The following MLPH variants were observed in gnomAD, a reference collection of about 807,000 sequenced individuals.
MLPH encodes melanophilin.
In MLPH, 51 loss-of-function variants were observed where a neutral mutation model predicts 72.1. The observed-to-expected ratio is 0.71, with a 90% CI of 0.56 to 0.89. The LOEUF (loss-of-function observed/expected upper bound fraction) is 0.89, where lower values mean the gene tolerates loss of function less well. Among genes scored for constraint, MLPH ranks in the 40% least tolerant of loss-of-function variants. MLPH has a pLI of 0.00. For missense variants in MLPH, 743 were observed against 759.9 expected (o/e 0.98, Z 0.26); for synonymous variants, 301 against 310.1 (o/e 0.97, Z 0.31).
chr2:237,517,788 G>A (rs1015280976), intron 4 of MLPH, among the ~76,000 whole-genome samples: 4 of 150,940 alleles, frequency 2.7e-5, no homozygotes, highest in African/African-American at 9.8e-5. Flanking sequence ...TGGGTGCATT[G>A]GTGGGTGGAT....
rs73999105 is a variant in MLPH, at chr2:237,546,457, C to T, written c.1540-149C>T. 29,475 of 715,010 alleles carry T rather than the reference C, an allele frequency of 0.041. 1,227 individuals are homozygous for T. Among genetic ancestry groups the T allele is most frequent in the African/African-American group, 0.16 (9,299 of 57,362 alleles). The allele number at this position is 715,010 out of a possible 1,614,324, so 44.3% of individuals were successfully genotyped here. On this transcript the variant is annotated intron_variant, in intron 12 of 15. Transcript: ENST00000264605. ...GCGCCCTAGTCCCAGAGTCCTGGAG[C>T]GGCATACTGGGGGTGGCTGTGCAGT... is the stretch of plus-strand genomic sequence containing the variant.
intron 8 of MLPH, among the ~76,000 whole-genome samples, chr2:237,528,043 A>G (rs1194771855): frequency 2.0e-5 from 3 of 152,212 alleles, no homozygotes; most frequent in Middle Eastern, 3.2e-3. Flanking sequence ...GACACATGCT[A>G]TATGGTTCCA....
chr2:237,487,372 G>C lies in MLPH; in HGVS notation c.-90G>C, dbSNP rs1478070424. 1 of 152,852 alleles carries C rather than the reference G, an allele frequency of 6.5e-6. No homozygotes were observed. The highest frequency in any genetic ancestry group is 1.5e-5 in the Non-Finnish European group (1 of 68,566). The allele number at this position is 152,852 out of a possible 1,614,324, so 9.5% of individuals were successfully genotyped here. A position where few individuals can be genotyped will look rare whatever the true frequency, so the allele number is the denominator to read the frequency against. On this transcript the variant is annotated 5_prime_UTR_variant, in exon 1 of 16. Coordinates refer to ENST00000264605, the MANE Select transcript of MLPH (RefSeq NM_024101.7). ...ACCTGACGCCCTGGCCTGACGCCCTGCTTCGTCGCCTCCTTTCTCTCCCAG... is the reference window on the plus strand; with the variant it reads ...ACCTGACGCCCTGGCCTGACGCCCTCCTTCGTCGCCTCCTTTCTCTCCCAG...
At position 237,541,045 on chromosome 2, in the gene MLPH, T is replaced by C; in HGVS notation, c.1446+88T>C. 4 of 1,494,566 alleles carry C rather than the reference T, an allele frequency of 2.7e-6. No homozygotes were observed. Among genetic ancestry groups the C allele is most frequent in the Admixed American group, 2.0e-5 (1 of 50,908 alleles). The allele number at this position is 1,494,566 out of a possible 1,614,324, so 92.6% of individuals were successfully genotyped here. A position where few individuals can be genotyped will look rare whatever the true frequency, so the allele number is the denominator to read the frequency against. On this transcript the variant is annotated intron_variant, in intron 11 of 15. Transcript: ENST00000264605. The surrounding 1 kb of genome is among the most constrained non-coding windows in gnomAD (Gnocchi z 5.1). ...CCTTGAACATCTGCCAGCTCTAACA[T>C]CCGCCAGCTCACACTGAGCCCTCCC... is the stretch of plus-strand genomic sequence containing the variant.
intron 12 of MLPH, 137 bp from the exon 13 acceptor site, chr2:237,546,469 G>T: frequency 1.3e-6 from 1 of 754,148 alleles, no homozygotes. Flanking sequence ...GCATACTGGG[G>T]GTGGCTGTGC....
chr2:237,516,328 G>A (rs1425924391), intron 4 of MLPH, among the ~76,000 whole-genome samples: 1 of 152,202 alleles, frequency 6.6e-6, no homozygotes, highest in Non-Finnish European at 1.5e-5. Context: ...GGGAGAGACG[G>A]TGGGGCTGTG....
intron 4 of MLPH, 165 bp from the exon 5 acceptor site, chr2:237,518,374 G>C (rs1248998985): frequency 5.6e-6 from 4 of 708,328 alleles, no homozygotes; most frequent in Non-Finnish European, 1.0e-5. Flanking sequence ...TAGATGGGTA[G>C]ATGGAGGGAT....
At position 237,534,614 on chromosome 2, in the gene MLPH, C is replaced by T. The variant is rs77397270; in HGVS notation, c.1071C>T (p.Tyr357=). 6.3e-4 allele frequency: 1,017 copies of T among 1,613,976 alleles called. 18 individuals are homozygous for T. The East Asian group carries it at 0.022, about 34-fold the overall frequency. ...CAGCTGTGGAATGCCTGCTGACCTA[C>T]CTGGAGAACACAGTTGTGCCTCCCT... The part of the protein sequence containing the change: ...HISAVECLLT[Y]LENTVVPPLA... The change falls in exon 9 of 16, where the codon TAC becomes TAT. Residue 357 remains tyrosine (Y), a synonymous_variant. Transcript: ENST00000264605.
At chr2:237,526,303 G>A (rs927465548) in intron 7 of MLPH, among the ~76,000 whole-genome samples, 1 of 152,090 alleles carries the variant, frequency 6.6e-6, no homozygotes, top group African/African-American at 2.4e-5. Flanking sequence ...GTACCCCAAG[G>A]GTGTATGTAC....
intron 4 of MLPH, among the ~76,000 whole-genome samples, chr2:237,513,730 G>C (rs1270527837): frequency 6.6e-6 from 1 of 151,974 alleles, no homozygotes; most frequent in Non-Finnish European, 1.5e-5. Context: ...TGACAGGTGG[G>C]TCCCCAGGCC....
chr2:237,510,902 T>TGTGTGC lies in MLPH; in HGVS notation c.333-82_333-81insCGTGTG. 2.0e-6 allele frequency: 1 copy of TGTGTGC among 493,934 alleles called. No homozygotes were observed. Among genetic ancestry groups the TGTGTGC allele is most frequent in the Middle Eastern group, 4.1e-4 (1 of 2,456 alleles). The allele number at this position is 493,934 out of a possible 1,614,324, so 30.6% of individuals were successfully genotyped here. On this transcript the variant is annotated intron_variant, in intron 3 of 15. Transcript: ENST00000264605. This position sits in a 1 kb window ranked among gnomAD's most constrained non-coding sequence, Gnocchi z 4.4. ...GTGGACGCACACATGCACACACTCG[T>TGTGTGC]GTGTGTGTGTGTGTGTGTGTGTGAG...
rs80063554 is a variant in MLPH at position 237,547,014 on chromosome 2, G to A, written c.1617+331G>A. Reference sequence around the variant, plus strand: ...AGGCTGACTGTGGCTCAGTCCTCCTGGGGGCTCTGGAGACCACGCAGATCA... The same window carrying A: ...AGGCTGACTGTGGCTCAGTCCTCCTAGGGGCTCTGGAGACCACGCAGATCA... On this transcript the variant is annotated intron_variant, in intron 13 of 15. Coordinates refer to ENST00000264605, the MANE Select transcript of MLPH (RefSeq NM_024101.7). Among the ~76,000 whole-genome samples the A allele has an allele frequency of 6.3e-3, 966 of 152,316 alleles. 24 individuals are homozygous for A. In the East Asian group the frequency reaches 0.091, roughly 14 times the overall value.
At chr2:237,545,794 C>T (rs867307) in intron 12 of MLPH, 62,407 of 419,494 alleles carry the variant, frequency 0.15, 7,172 homozygotes, top group East Asian at 0.42. Context: ...CCAGTTAGCT[C>T]TAAATTTCAG....
chr2:237,540,330 A>G lies in MLPH; in HGVS notation c.1105-18A>G. On this transcript the variant is annotated intron_variant, in intron 9 of 15. Coordinates refer to ENST00000264605, the MANE Select transcript of MLPH (RefSeq NM_024101.7). ...CAGATGGCTAGCCGAATCCAAATCC[A>G]CTGGCCTGTTCTGTCAGGGTCTAGG... The G allele has an allele frequency of 1.9e-6, 3 of 1,612,902 alleles. No individual in the cohort carries two copies. Among genetic ancestry groups the G allele is most frequent in the Non-Finnish European group, 2.5e-6 (3 of 1,179,920 alleles).
intron 4 of MLPH, among the ~76,000 whole-genome samples, chr2:237,514,238 G>A (rs578098593): frequency 1.7e-4 from 26 of 152,010 alleles, no homozygotes; most frequent in Admixed American, 6.6e-4. Context: ...AGTCAAACAA[G>A]GAAGGTCAGA....
At chr2:237,524,487 G>C (rs1442178253) in intron 6 of MLPH, among the ~76,000 whole-genome samples, 1 of 151,908 alleles carries the variant, frequency 6.6e-6, no homozygotes, top group African/African-American at 2.4e-5. Context: ...TAGGCTGGGA[G>C]GCTAGGCCTG....
chr2:237,504,206 G>T (rs1287206411), intron 2 of MLPH, among the ~76,000 whole-genome samples: 1 of 152,038 alleles, frequency 6.6e-6, no homozygotes, highest in African/African-American at 2.4e-5. Flanking sequence ...TTTTTGTATT[G>T]TGTTTATTTT....
intron 12 of MLPH, chr2:237,545,559 T>C (rs1324268524): frequency 3.1e-6 from 4 of 1,288,236 alleles, no homozygotes; most frequent in Non-Finnish European, 4.0e-6. Context: ...TGTTGCCTCA[T>C]GTGGAAATCC....
intron 1 of MLPH, among the ~76,000 whole-genome samples, chr2:237,491,680 A>G (rs1559329989): frequency 6.6e-6 from 1 of 152,224 alleles, no homozygotes; most frequent in African/African-American, 2.4e-5. Context: ...ACAGTTTTGC[A>G]GTGTCCCAGT....
Sources: gnomAD v4.1 joint callset for allele counts (sites outside exome capture counted in the v4.1 genomes callset) on GRCh38, gnomAD v4.1.1 for gene constraint, Gnocchi (gnomAD v3.1) non-coding constraint, MANE v1.5 for transcripts, NCBI Gene and HGNC (gene_info 2026-07-23, HGNC 2026-07-21) for gene names.